The following SCMH1 variants were observed in gnomAD, a reference collection of about 807,000 sequenced individuals.
SCMH1 encodes Scm polycomb group protein homolog 1.
In SCMH1, 37 loss-of-function variants were observed where a neutral mutation model predicts 70.8. The ratio of observed to expected loss-of-function variants is 0.52; its 90% CI spans 0.40 to 0.69. SCMH1 has a LOEUF of 0.69. Among genes scored for constraint, SCMH1 ranks in the 30% least tolerant of loss-of-function variants. The pLI is 0.00. For missense variants in SCMH1, 607 were observed against 827.3 expected, an observed-to-expected ratio of 0.73 and a Z score of 3.27; for synonymous variants, 292 against 307.4, an observed-to-expected ratio of 0.95 and a Z score of 0.52.
chr1:41,191,186 T>G (rs1651636564), intron 1 of SCMH1, among the ~76,000 whole-genome samples: 1 of 152,186 alleles, frequency 6.6e-6, no homozygotes, highest in South Asian at 2.1e-4. Context: ...CCTTTTAAGT[T>G]CTATCATATT....
intron 1 of SCMH1, among the ~76,000 whole-genome samples, chr1:41,202,333 C>CT (rs111943685): frequency 3.9e-4 from 57 of 144,918 alleles, no homozygotes; most frequent in South Asian, 6.6e-4. Flanking sequence ...CGTGCCCAGC[C>CT]TTTTTTTTTT....
intron 6 of SCMH1, among the ~76,000 whole-genome samples, chr1:41,119,713 G>A (rs893335521): frequency 2.0e-5 from 3 of 152,186 alleles, no homozygotes; most frequent in African/African-American, 7.2e-5. Flanking sequence ...GCTACATGGA[G>A]AACAGACCTG....
At chr1:41,175,708 T>A (rs551240443) in intron 2 of SCMH1, among the ~76,000 whole-genome samples, 2 of 152,208 alleles carry the variant, frequency 1.3e-5, no homozygotes, top group Non-Finnish European at 2.9e-5. Flanking sequence ...ATCTTATGTG[T>A]TATGACTTCT....
intron 13 of SCMH1, among the ~76,000 whole-genome samples, chr1:41,035,541 G>C (rs1645171143): frequency 6.6e-6 from 1 of 152,054 alleles, no homozygotes; most frequent in African/African-American, 2.4e-5. Context: ...TCCCTGACCA[G>C]GCCTTTCTCT....
intron 8 of SCMH1, among the ~76,000 whole-genome samples, chr1:41,111,737 T>C (rs1238201683): frequency 6.6e-6 from 1 of 152,188 alleles, no homozygotes; most frequent in Non-Finnish European, 1.5e-5. Context: ...CTCAGCATCA[T>C]TATATTAGTT....
intron 8 of SCMH1, among the ~76,000 whole-genome samples, chr1:41,085,492 C>T (rs932971077): frequency 6.6e-6 from 1 of 152,146 alleles, no homozygotes; most frequent in African/African-American, 2.4e-5. Flanking sequence ...TAATATTTAA[C>T]ATTGCACTGG....
At chr1:41,215,524 C>T (rs1171120671) in intron 1 of SCMH1, among the ~76,000 whole-genome samples, 1 of 151,752 alleles carries the variant, frequency 6.6e-6, no homozygotes, top group African/African-American at 2.4e-5. Flanking sequence ...ACCTTCTTTC[C>T]CTAAGTTATT....
At chr1:41,054,270 A>C (rs1649406935) in intron 10 of SCMH1, among the ~76,000 whole-genome samples, 1 of 152,202 alleles carries the variant, frequency 6.6e-6, no homozygotes, top group African/African-American at 2.4e-5. Flanking sequence ...CATGGAAATA[A>C]GAAATATTCC....
chr1:41,031,369 AATATTT>A (rs1644496764), intron 13 of SCMH1, among the ~76,000 whole-genome samples: 4 of 152,092 alleles, frequency 2.6e-5, no homozygotes, highest in Non-Finnish European at 4.4e-5. Flanking sequence ...AAAAGGGCCT[AATATTT>A]AACTCTCTCC....
At chr1:41,240,743 T>G (rs1663339311) in intron 1 of SCMH1, among the ~76,000 whole-genome samples, 1 of 142,696 alleles carries the variant, frequency 7.0e-6, no homozygotes, top group Non-Finnish European at 1.6e-5. Context: ...TACTAAATGT[T>G]TTCTTTTTTT....
At chr1:41,207,521 G>A (rs1376235984) in intron 1 of SCMH1, among the ~76,000 whole-genome samples, 1 of 152,172 alleles carries the variant, frequency 6.6e-6, no homozygotes, top group Non-Finnish European at 1.5e-5. Flanking sequence ...TCCAATACAG[G>A]AGCACCCAGA....
At chr1:41,180,732 T>C (rs1427298962) in intron 2 of SCMH1, among the ~76,000 whole-genome samples, 2 of 152,318 alleles carry the variant, frequency 1.3e-5, no homozygotes, top group African/African-American at 2.4e-5. Context: ...TCCATGCTCA[T>C]GGGTAGGAAG....
intron 4 of SCMH1, chr1:41,159,891 G>T (rs1016335814): frequency 1.7e-6 from 2 of 1,195,022 alleles, no homozygotes; most frequent in Non-Finnish European, 2.2e-6. Flanking sequence ...GAGTTTTTAA[G>T]ATGTTTTCAC....
chr1:41,122,017 G>C (rs895896244), intron 6 of SCMH1, among the ~76,000 whole-genome samples: 3 of 152,164 alleles, frequency 2.0e-5, no homozygotes, highest in African/African-American at 7.2e-5. Context: ...ATTTAAGCCA[G>C]AGTCAAACTT....
chr1:41,144,811 T>C (rs1644405252), intron 5 of SCMH1, among the ~76,000 whole-genome samples: 1 of 152,234 alleles, frequency 6.6e-6, no homozygotes, highest in African/African-American at 2.4e-5. Context: ...ATGTGATGTA[T>C]ATCTCATTGC....
chr1:41,046,507 G>T, exon 12 of SCMH1: 1 of 1,614,212 alleles, frequency 6.2e-7, no homozygotes, highest in South Asian at 1.1e-5. Flanking sequence ...CACTACGAAG[G>T]TTGTGGCAGA....
intron 8 of SCMH1, among the ~76,000 whole-genome samples, chr1:41,108,897 G>A (rs144701432): frequency 4.8e-4 from 73 of 152,290 alleles, no homozygotes; most frequent in African/African-American, 1.7e-3. Context: ...GCTCAATGAC[G>A]TAACCAAGTT....
At chr1:41,092,863 T>C (rs958515479) in intron 8 of SCMH1, among the ~76,000 whole-genome samples, 1 of 152,042 alleles carries the variant, frequency 6.6e-6, no homozygotes, top group African/African-American at 2.4e-5. Flanking sequence ...CATTAAAAAG[T>C]CAGGAAACAA....
intron 8 of SCMH1, among the ~76,000 whole-genome samples, chr1:41,081,946 T>C (rs147828191): frequency 6.6e-6 from 1 of 152,264 alleles, no homozygotes; most frequent in East Asian, 1.9e-4. Context: ...CCCTTGCAAT[T>C]CTGTGGAGAG....
Sources: gnomAD v4.1 joint callset for allele counts (sites outside exome capture counted in the v4.1 genomes callset) on GRCh38, gnomAD v4.1.1 for gene constraint, MANE v1.5 for transcripts, NCBI Gene and HGNC (gene_info 2026-07-23, HGNC 2026-07-21) for gene names.